TSPAN3: variants seen among roughly 807,000 people sequenced by gnomAD.
TSPAN3 encodes tetraspanin 3.
TSPAN3 carries 9 observed loss-of-function variants against 31.1 expected under a neutral mutation model. That is an observed-to-expected ratio of 0.29 (90% CI 0.17 to 0.50). The LOEUF is 0.50. Among genes scored for constraint, TSPAN3 ranks in the 20% least tolerant of loss-of-function variants. TSPAN3 has a pLI of 0.98. For synonymous variants in TSPAN3, 129 were observed against 114.3 expected (o/e 1.13, Z -0.82); for missense variants, 252 against 313.5 (o/e 0.80, Z 1.48).
In TSPAN3 at chr15:77,043,942, C is replaced by T. The variant is rs543105105; in HGVS notation, c.*2893G>A. 3.3e-5 allele frequency: 5 copies of T among 152,266 alleles called. No individual in the cohort carries two copies. In the South Asian group the frequency reaches 6.2e-4, roughly 19 times the overall value. 9.4% of individuals were successfully genotyped at this position (152,266 alleles called of 1,614,324 possible). On this transcript the variant is annotated 3_prime_UTR_variant, in exon 7 of 7. Coordinates refer to ENST00000267970, the MANE Select transcript of TSPAN3 (RefSeq NM_005724.6). ...GGGGGTTGGCGCAAGGGAGAGAGAA[C>T]GCACACACATTTGAGAACACACATG...
chr15:77,051,604 C>CT (rs1344011327), intron 6 of TSPAN3, among the ~76,000 whole-genome samples: 2 of 151,028 alleles, frequency 1.3e-5, no homozygotes, highest in Non-Finnish European at 2.9e-5. Context: ...AATCCCAACA[C>CT]TTTAGGAGGC....
intron 6 of TSPAN3, among the ~76,000 whole-genome samples, chr15:77,050,245 A>T (rs1196322981): frequency 1.2e-4 from 19 of 152,208 alleles, no homozygotes; most frequent in Non-Finnish European, 2.2e-4. Context: ...ATTAGGGAAA[A>T]TTATTAATTC....
chr15:77,052,441 G>C lies in TSPAN3; in HGVS notation c.613C>G (p.Leu205Val). The C allele has an allele frequency of 6.2e-7, 1 of 1,614,118 alleles. No individual in the cohort carries two copies. Among genetic ancestry groups the C allele is most frequent in the Non-Finnish European group, 8.5e-7 (1 of 1,180,004 alleles). Residue 205 changes from leucine (L) to valine (V), a missense_variant, in exon 6 of 7, where the codon CTA (leucine) becomes GTA (valine). Coordinates refer to ENST00000267970, the MANE Select transcript of TSPAN3 (RefSeq NM_005724.6). ...EGCEALVVKK[L>V]QEIMMHVIWA... The stretch of plus-strand genomic sequence containing the variant: ...ATCACATGCATCATGATTTCTTGTA[G>C]CTTCTTCACTACTAGAGCCTCACAC...
intron 1 of TSPAN3, among the ~76,000 whole-genome samples, chr15:77,059,599 T>G (rs2076788698): frequency 6.6e-6 from 1 of 152,248 alleles, no homozygotes; most frequent in Admixed American, 6.5e-5. Context: ...TTGTTTTTAT[T>G]AGACGTTTCT....
chr15:77,066,571 C>CAAAAAAAAAAAAA (rs35737479), intron 1 of TSPAN3, among the ~76,000 whole-genome samples: 9 of 59,374 alleles, frequency 1.5e-4, no homozygotes, highest in African/African-American at 3.7e-4. Context: ...GACTTCGTCT[C>CAAAAAAAAAAAAA]AAAAAAAAAA....
At chr15:77,065,167 C>T (rs1463591573) in intron 1 of TSPAN3, among the ~76,000 whole-genome samples, 3 of 152,116 alleles carry the variant, frequency 2.0e-5, no homozygotes, top group Non-Finnish European at 4.4e-5. Flanking sequence ...TTTTTGCCAA[C>T]ATAAAGCACG....
intron 1 of TSPAN3, chr15:77,064,706 CT>C (rs1458861212): frequency 6.6e-6 from 1 of 152,224 alleles, no homozygotes; most frequent in Non-Finnish European, 1.5e-5. Flanking sequence ...CTATTATGTA[CT>C]TGCTTCCTGA....
chr15:77,055,157 G>A (rs2076760357), intron 3 of TSPAN3: 1 of 152,104 alleles, frequency 6.6e-6, no homozygotes, highest in South Asian at 2.1e-4. Flanking sequence ...TCTTTACCAT[G>A]CCTCTAAAAT....
chr15:77,047,367 T>G (rs1422972709), intron 6 of TSPAN3, among the ~76,000 whole-genome samples: 2 of 152,236 alleles, frequency 1.3e-5, no homozygotes, highest in Non-Finnish European at 2.9e-5. Context: ...GTGGCTACCA[T>G]TCTGGACAGC....
chr15:77,064,888 T>A (rs1426594762), intron 1 of TSPAN3: 1 of 152,342 alleles, frequency 6.6e-6, no homozygotes, highest in South Asian at 2.1e-4. Flanking sequence ...TTTAAAAGTA[T>A]CATATTACCA....
intron 6 of TSPAN3, among the ~76,000 whole-genome samples, chr15:77,049,251 G>A (rs1430367519): frequency 1.3e-5 from 2 of 152,178 alleles, no homozygotes; most frequent in African/African-American, 2.4e-5. Context: ...AATTGAGGAG[G>A]AGGAGGAAAG....
At chr15:77,056,026 G>C in intron 2 of TSPAN3, 38 bp downstream of exon 2, 1 of 1,568,604 alleles carries the variant, frequency 6.4e-7, no homozygotes. Context: ...GAGTAGCATA[G>C]ACTAAATACT....
At chr15:77,047,869 A>G (rs1403861484) in intron 6 of TSPAN3, among the ~76,000 whole-genome samples, 5 of 152,210 alleles carry the variant, frequency 3.3e-5, no homozygotes. Context: ...TTTGGGGGTC[A>G]ATCTAATTTC....
intron 6 of TSPAN3, among the ~76,000 whole-genome samples, chr15:77,050,489 A>G (rs2076723377): frequency 6.6e-6 from 1 of 152,202 alleles, no homozygotes; most frequent in African/African-American, 2.4e-5. Context: ...AAAAATATTT[A>G]ATAAAGAAAT....
intron 2 of TSPAN3, 36 bp from the exon 3 acceptor site, chr15:77,055,899 G>GA: frequency 1.9e-6 from 3 of 1,570,826 alleles, no homozygotes; most frequent in Non-Finnish European, 2.6e-6. Flanking sequence ...ATATACAAAT[G>GA]AAAAAATAAC....
At position 77,052,806 on chromosome 15, in the gene TSPAN3, G is replaced by A; in HGVS notation, c.556C>T (p.Leu186=). 3 of 1,614,142 alleles carry A rather than the reference G, an allele frequency of 1.9e-6. No homozygotes were observed. The highest frequency in any genetic ancestry group is 1.6e-4 in the Middle Eastern group (1 of 6,062). ...RETASNCNGS[L]AHPSDLYAEG... ...GCATAGAGGTCGGAAGGGTGGGCCAGGCTGCCATTACAATTGCTGGCAGTC... is the reference window on the plus strand; with the variant it reads ...GCATAGAGGTCGGAAGGGTGGGCCAAGCTGCCATTACAATTGCTGGCAGTC... Residue 186 remains leucine, a synonymous_variant, in exon 5 of 7, where the codon CTG becomes TTG. Transcript: ENST00000267970.
chr15:77,070,985 G>C lies in TSPAN3; in HGVS notation c.-31C>G. On this transcript the variant is annotated 5_prime_UTR_variant, in exon 1 of 7. Coordinates refer to ENST00000267970, the MANE Select transcript of TSPAN3 (RefSeq NM_005724.6). Reference sequence around the variant, plus strand: ...CGGTGGCCCGCGAAGGCCCGGCCCGGAGAGCGGGGCTGCGCTCACCGAGAG... The same window carrying C: ...CGGTGGCCCGCGAAGGCCCGGCCCGCAGAGCGGGGCTGCGCTCACCGAGAG... The C allele has an allele frequency of 7.1e-7, 1 of 1,406,926 alleles. No homozygotes were observed. Among genetic ancestry groups the C allele is most frequent in the Non-Finnish European group, 9.3e-7 (1 of 1,070,800 alleles). The allele number at this position is 1,406,926 out of a possible 1,614,324, so 87.2% of individuals were successfully genotyped here.
chr15:77,054,006 T>C lies in TSPAN3; in HGVS notation c.432+172A>G, dbSNP rs567276910. Among the ~76,000 whole-genome samples the C allele has an allele frequency of 2.0e-3, 301 of 152,288 alleles. 1 individual carries two copies. Among genetic ancestry groups the C allele is most frequent in the Middle Eastern group, 0.01 (3 of 294 alleles). ...AAGTTCAAGATGTTTCTCATCTGGC[T>C]AGGTGATGAAATAAACTTTTCAAGG... On this transcript the variant is annotated intron_variant, in intron 4 of 6. Transcript: ENST00000267970.
chr15:77,049,787 T>C (rs936376002), intron 6 of TSPAN3, among the ~76,000 whole-genome samples: 1 of 152,158 alleles, frequency 6.6e-6, no homozygotes, highest in African/African-American at 2.4e-5. Context: ...TTTTAGGCTT[T>C]CCAAACCAAG....
Sources: gnomAD v4.1 joint callset for allele counts (sites outside exome capture counted in the v4.1 genomes callset) on GRCh38, gnomAD v4.1.1 for gene constraint, MANE v1.5 for transcripts, NCBI Gene and HGNC (gene_info 2026-07-23, HGNC 2026-07-21) for gene names.